The following PTBP3 variants were observed in gnomAD, a reference collection of about 807,000 sequenced individuals.
PTBP3 encodes polypyrimidine tract binding protein 3, also known as polypyrimidine tract-binding protein 3.
In PTBP3, 20 loss-of-function variants were observed where a neutral mutation model predicts 58.7. That is an observed-to-expected ratio of 0.34 (90% CI 0.24 to 0.50). The LOEUF is 0.50. PTBP3 is among the 20% of genes least tolerant of loss of function. The pLI is 0.98. For synonymous variants in PTBP3, 185 were observed against 219.8 expected, an observed-to-expected ratio of 0.84 and a Z score of 1.40; for missense variants, 509 against 637.2, an observed-to-expected ratio of 0.80 and a Z score of 2.17.
chr9:112,319,670 C>A (rs1244105352), intron 1 of PTBP3, among the ~76,000 whole-genome samples: 1 of 151,744 alleles, frequency 6.6e-6, no homozygotes, highest in Non-Finnish European at 1.5e-5. Flanking sequence ...AATCTTTCTA[C>A]TGGGTATATA....
chr9:112,256,289 A>ATATATATATATG (rs1218465220), intron 5 of PTBP3, among the ~76,000 whole-genome samples: 1 of 31,422 alleles, frequency 3.2e-5, no homozygotes, highest in Non-Finnish European at 5.5e-5. Context: ...ATATATATAT[A>ATATATATATATG]TATACATATA....
At chr9:112,307,864 C>T (rs753168020) in intron 1 of PTBP3, among the ~76,000 whole-genome samples, 1 of 152,218 alleles carries the variant, frequency 6.6e-6, no homozygotes, top group Non-Finnish European at 1.5e-5. Context: ...ACATGCAGCC[C>T]ATGGGCCACA....
At chr9:112,239,545 C>G (rs1271779093) in intron 7 of PTBP3, among the ~76,000 whole-genome samples, 1 of 151,834 alleles carries the variant, frequency 6.6e-6, no homozygotes, top group African/African-American at 2.4e-5. Context: ...GCCTGGAAAA[C>G]ATAGTGAGAC....
Position 112,231,969 on chromosome 9 carries a change from G to GA in PTBP3, c.1020+129dup, listed in dbSNP as rs1264056093. 2.7e-3 allele frequency: 931 copies of GA among 342,438 alleles called. 1 individual carries two copies. The highest frequency in any genetic ancestry group is 7.4e-3 in the Middle Eastern group (10 of 1,348). The allele number at this position is 342,438 out of a possible 1,614,324, so 21.2% of individuals were successfully genotyped here. A position where few individuals can be genotyped will look rare whatever the true frequency, so the allele number is the denominator to read the frequency against. On this transcript the variant is annotated intron_variant, in intron 9 of 13. Transcript: ENST00000374257. The stretch of plus-strand genomic sequence containing the variant: ...GAAGAGAAGAGAAGAGAAGAGAAGA[G>GA]AGAAGAGAAGAGAAGAGAAGAGAAG...
Position 112,297,925 on chromosome 9 carries a change from C to T in PTBP3, c.-51-9G>A, listed in dbSNP as rs10981348. 1.2e-6 allele frequency: 2 copies of T among 1,605,542 alleles called. No individual in the cohort carries two copies. Among genetic ancestry groups the T allele is most frequent in the South Asian group, 1.1e-5 (1 of 89,480 alleles). On this transcript the variant is annotated splice_polypyrimidine_tract_variant and intron_variant, in intron 1 of 13. Coordinates refer to ENST00000374257, the MANE Select transcript of PTBP3 (RefSeq NM_001163788.4). Reference sequence around the variant, plus strand: ...AGCTCATCAGATCCCCGCTGAAAAGCAAAACCAATGTTTGGTTAATAAACC... The same window carrying T: ...AGCTCATCAGATCCCCGCTGAAAAGTAAAACCAATGTTTGGTTAATAAACC...
chr9:112,351,899 A>G, the PTBP3 span, among the ~76,000 whole-genome samples: 42 of 151,382 alleles, frequency 2.8e-4, 1 homozygote, highest in South Asian at 6.3e-3. Context: ...CTCATCATGT[A>G]CATTTACTAC....
chr9:112,254,046 T>C (rs1459573913), intron 5 of PTBP3, among the ~76,000 whole-genome samples: 1 of 152,200 alleles, frequency 6.6e-6, no homozygotes, highest in South Asian at 2.1e-4. Flanking sequence ...TACCAACCAC[T>C]ATGGTACAAT....
chr9:112,330,785 C>T (rs539537236), intron 1 of PTBP3, among the ~76,000 whole-genome samples: 1 of 152,208 alleles, frequency 6.6e-6, no homozygotes, highest in Admixed American at 6.5e-5. Context: ...CAAAGCCAAA[C>T]CAAAACTTAA....
intron 1 of PTBP3, among the ~76,000 whole-genome samples, chr9:112,325,325 T>C (rs1165364526): frequency 1.3e-5 from 2 of 152,112 alleles, no homozygotes; most frequent in Non-Finnish European, 2.9e-5. Context: ...AGGGCCCGTC[T>C]GCACACTGGG....
At chr9:112,333,775 C>G, upstream of PTBP3, 1 of 283,110 alleles carries the variant, frequency 3.5e-6, no homozygotes, top group Non-Finnish European at 6.5e-6. Flanking sequence ...CCTCGCCCCG[C>G]TGGCAGCCGG....
In PTBP3 at chr9:112,290,703, T is replaced by TACACACACACACACAC. The variant is rs1441556582; in HGVS notation, c.34+7128_34+7129insGTGTGTGTGTGTGTGT. Among the ~76,000 whole-genome samples the TACACACACACACACAC allele has an allele frequency of 1.1e-3, 69 of 64,576 alleles. 1 individual carries two copies. Among genetic ancestry groups the TACACACACACACACAC allele is most frequent in the East Asian group, 2.3e-3 (7 of 3,042 alleles). The allele number at this position is 64,576 out of a possible 152,430, so 42.4% of individuals were successfully genotyped here. A position where few individuals can be genotyped will look rare whatever the true frequency, so the allele number is the denominator to read the frequency against. ...AAAAAAAAAAATATATATATATATA[T>TACACACACACACACAC]ATATACACACACACACACACACACA... On this transcript the variant is annotated intron_variant, in intron 2 of 13. Coordinates refer to ENST00000374257, the MANE Select transcript of PTBP3 (RefSeq NM_001163788.4).
At chr9:112,277,931 CA>C (rs1798702890) in intron 2 of PTBP3, among the ~76,000 whole-genome samples, 1 of 83,590 alleles carries the variant, frequency 1.2e-5, no homozygotes, top group Non-Finnish European at 2.4e-5. Context: ...CATAACATAA[CA>C]TAACATAACA....
chr9:112,293,131 G>C, intron 2 of PTBP3, among the ~76,000 whole-genome samples: 1 of 152,070 alleles, frequency 6.6e-6, no homozygotes, highest in East Asian at 1.9e-4. Flanking sequence ...AGACAGGAAG[G>C]ACGATATACT....
the PTBP3 span, among the ~76,000 whole-genome samples, chr9:112,363,967 C>T: frequency 6.6e-6 from 1 of 152,032 alleles, no homozygotes; most frequent in African/African-American, 2.4e-5. Flanking sequence ...TTTTACTGCC[C>T]TAAAAATCTT....
At position 112,255,413 on chromosome 9, in the gene PTBP3, A is replaced by G. The variant is rs114016081; in HGVS notation, c.517-2625T>C. Reference sequence around the variant, plus strand: ...CCACTTGAATCACTTATGGCAAGACATGAATCAATGTATGTATTATACATG... The same window carrying G: ...CCACTTGAATCACTTATGGCAAGACGTGAATCAATGTATGTATTATACATG... On this transcript the variant is annotated intron_variant, in intron 5 of 13. Coordinates refer to ENST00000374257, the MANE Select transcript of PTBP3 (RefSeq NM_001163788.4). Among the ~76,000 whole-genome samples the G allele has an allele frequency of 7.6e-3, 1,165 of 152,310 alleles. 20 individuals are homozygous for G. Among genetic ancestry groups the G allele is most frequent in the African/African-American group, 0.027 (1,110 of 41,560 alleles).
At chr9:112,302,558 C>T in intron 1 of PTBP3, among the ~76,000 whole-genome samples, 1 of 148,140 alleles carries the variant, frequency 6.8e-6, no homozygotes, top group African/African-American at 2.5e-5. Flanking sequence ...GCTAAGAATC[C>T]CAAAAGCTGA....
At chr9:112,311,566 C>A (rs187892664) in intron 1 of PTBP3, among the ~76,000 whole-genome samples, 1 of 152,088 alleles carries the variant, frequency 6.6e-6, no homozygotes, top group Non-Finnish European at 1.5e-5. Flanking sequence ...TACATGCAGG[C>A]AGACTTCACC....
At chr9:112,270,352 A>T (rs1193603386) in intron 3 of PTBP3, among the ~76,000 whole-genome samples, 2 of 152,228 alleles carry the variant, frequency 1.3e-5, no homozygotes, top group Admixed American at 1.3e-4. Context: ...ATACATACAC[A>T]CACGTGCACA....
intron 5 of PTBP3, among the ~76,000 whole-genome samples, chr9:112,257,754 A>C (rs1836430421): frequency 1.3e-5 from 2 of 152,200 alleles, no homozygotes; most frequent in Non-Finnish European, 2.9e-5. Flanking sequence ...AGCCTGGCCA[A>C]CATGGCGAAA....
Sources: allele counts gnomAD v4.1 joint callset (sites outside exome capture counted in the v4.1 genomes callset), GRCh38; gene constraint gnomAD v4.1.1; transcripts MANE v1.5; gene names NCBI Gene and HGNC (gene_info 2026-07-23, HGNC 2026-07-21).